The following SORCS1 variants were observed in gnomAD, a reference collection of about 807,000 sequenced individuals.
SORCS1 encodes the protein VPS10 domain-containing receptor SorCS1.
In SORCS1, 60 loss-of-function variants were observed where a neutral mutation model predicts 146.1. The observed-to-expected ratio is 0.41, with a 90% CI of 0.33 to 0.51. The LOEUF (loss-of-function observed/expected upper bound fraction) is 0.51, where lower values mean the gene tolerates loss of function less well. SORCS1 is among the 20% of genes least tolerant of loss of function. The pLI is 0.21. For synonymous variants in SORCS1, 637 were observed against 584.0 expected (o/e 1.09, Z -1.31); for missense variants, 1,352 against 1,487.6 (o/e 0.91, Z 1.50).
At chr10:106,823,879 C>T (rs1948170099) in intron 3 of SORCS1, among the ~76,000 whole-genome samples, 1 of 152,284 alleles carries the variant, frequency 6.6e-6, no homozygotes, top group East Asian at 1.9e-4. Context: ...ACTCAGTCTC[C>T]ATATCTGTTA....
chr10:107,139,343 A>G (rs1487713272), intron 1 of SORCS1, among the ~76,000 whole-genome samples: 1 of 152,170 alleles, frequency 6.6e-6, no homozygotes, highest in African/African-American at 2.4e-5. Flanking sequence ...GAAACTCTGA[A>G]GAAAAAAAAA....
chr10:106,731,432 G>C (rs987990739), intron 5 of SORCS1, among the ~76,000 whole-genome samples: 1 of 151,492 alleles, frequency 6.6e-6, no homozygotes, highest in Admixed American at 6.6e-5. Flanking sequence ...GCCATTGTCT[G>C]AAAGTGCCAC....
chr10:106,924,104 A>G (rs1952860007), intron 2 of SORCS1, among the ~76,000 whole-genome samples: 1 of 152,160 alleles, frequency 6.6e-6, no homozygotes, highest in Non-Finnish European at 1.5e-5. Flanking sequence ...AAAATATAAA[A>G]TTAGTCGGGC....
At chr10:107,152,157 C>T (rs1968860201) in intron 1 of SORCS1, among the ~76,000 whole-genome samples, 1 of 152,202 alleles carries the variant, frequency 6.6e-6, no homozygotes, top group Admixed American at 6.5e-5. Flanking sequence ...GCCTTGGCAG[C>T]TTTCACATGG....
intron 1 of SORCS1, among the ~76,000 whole-genome samples, chr10:107,076,469 G>T (rs1962891394): frequency 6.6e-6 from 1 of 152,216 alleles, no homozygotes; most frequent in South Asian, 2.1e-4. Context: ...ACACCAGCGA[G>T]CACAAAACAG....
intron 1 of SORCS1, among the ~76,000 whole-genome samples, chr10:107,090,554 A>AGAT (rs749606967): frequency 6.6e-6 from 1 of 152,176 alleles, no homozygotes; most frequent in Non-Finnish European, 1.5e-5. Context: ...ATATTTTTGG[A>AGAT]GATATTAAAT....
intron 5 of SORCS1, among the ~76,000 whole-genome samples, chr10:106,757,282 A>G (rs1434517647): frequency 6.6e-6 from 1 of 152,130 alleles, no homozygotes; most frequent in East Asian, 1.9e-4. Flanking sequence ...GGGAAATTCT[A>G]TGTTATTACC....
chr10:106,912,019 A>G (rs1952184640), intron 2 of SORCS1, among the ~76,000 whole-genome samples: 1 of 151,536 alleles, frequency 6.6e-6, no homozygotes, highest in South Asian at 2.1e-4. Flanking sequence ...AGGCTGAGAC[A>G]GGAGAATAGC....
At chr10:107,140,442 T>C (rs1042713222) in intron 1 of SORCS1, among the ~76,000 whole-genome samples, 15 of 152,230 alleles carry the variant, frequency 9.9e-5, no homozygotes, top group Non-Finnish European at 1.5e-5. Flanking sequence ...CTTGTAAATG[T>C]TGAGTTTTCA....
chr10:106,843,429 C>CTTTTTTTTTTTTTTTTTTTT (rs141378677), intron 2 of SORCS1, among the ~76,000 whole-genome samples: 1 of 116,804 alleles, frequency 8.6e-6, no homozygotes, highest in Non-Finnish European at 1.6e-5. Context: ...GCAGGATTTC[C>CTTTTTTTTTTTTTTTTTTTT]TTTTTTTTTT....
At chr10:106,721,129 C>A (rs1855751945) in intron 6 of SORCS1, among the ~76,000 whole-genome samples, 1 of 151,396 alleles carries the variant, frequency 6.6e-6, no homozygotes, top group Admixed American at 6.6e-5. Context: ...AACCTTGATG[C>A]TTTATTTGGG....
chr10:106,788,685 C>A (rs1346380804), intron 3 of SORCS1, among the ~76,000 whole-genome samples: 1 of 152,192 alleles, frequency 6.6e-6, no homozygotes, highest in African/African-American at 2.4e-5. Flanking sequence ...GGCAGCTCTC[C>A]CCCTGTGGCT....
At position 106,679,590 on chromosome 10, in the gene SORCS1, AAC is replaced by A. The variant is rs1304351196; in HGVS notation, c.1663+40_1663+41del. Reference sequence around the variant, plus strand: ...TACAGATATCTAGCTTCTTAAAATAAACACTATTTACCACAGCCAGCAAACCA... The same window carrying A: ...TACAGATATCTAGCTTCTTAAAATAAACTATTTACCACAGCCAGCAAACCA... On this transcript the variant is annotated intron_variant, in intron 11 of 25. Coordinates refer to ENST00000263054, the MANE Select transcript of SORCS1 (RefSeq NM_052918.5). 2.0e-6 allele frequency: 3 copies of A among 1,490,416 alleles called. No individual in the cohort carries two copies. In the East Asian group the frequency reaches 7.0e-5, roughly 35 times the overall value. The allele number at this position is 1,490,416 out of a possible 1,614,324, so 92.3% of individuals were successfully genotyped here.
intron 3 of SORCS1, among the ~76,000 whole-genome samples, chr10:106,778,948 C>G (rs1158542000): frequency 6.6e-6 from 1 of 152,158 alleles, no homozygotes; most frequent in Non-Finnish European, 1.5e-5. Flanking sequence ...TGATTTTTAT[C>G]AATCACTTTA....
At chr10:106,753,216 A>G (rs185602907) in intron 5 of SORCS1, among the ~76,000 whole-genome samples, 1 of 152,184 alleles carries the variant, frequency 6.6e-6, no homozygotes, top group East Asian at 1.9e-4. Flanking sequence ...GAACCTGGAG[A>G]AGGAAAAATG....
intron 2 of SORCS1, among the ~76,000 whole-genome samples, chr10:106,940,970 C>G (rs1954013535): frequency 6.6e-6 from 1 of 152,174 alleles, no homozygotes; most frequent in South Asian, 2.1e-4. Context: ...TTGTGGGGTT[C>G]AAAGCCTGGG....
chr10:106,811,921 C>G (rs1050041904), intron 3 of SORCS1, among the ~76,000 whole-genome samples: 4 of 152,172 alleles, frequency 2.6e-5, no homozygotes, highest in African/African-American at 9.7e-5. Flanking sequence ...CCTGGACAAT[C>G]CACTCACTGA....
upstream of SORCS1, among the ~76,000 whole-genome samples, chr10:107,165,685 A>G (rs977092993): frequency 6.6e-6 from 1 of 152,204 alleles, no homozygotes; most frequent in African/African-American, 2.4e-5. The surrounding 1 kb of genome is among the most constrained non-coding windows in gnomAD (Gnocchi z 4.0). Context: ...GAAAGGAGGC[A>G]CAGTACTTAT....
At chr10:106,938,471 G>A (rs887126802) in intron 2 of SORCS1, among the ~76,000 whole-genome samples, 2 of 152,216 alleles carry the variant, frequency 1.3e-5, no homozygotes, top group African/African-American at 4.8e-5. Flanking sequence ...AGGCCACCAC[G>A]CTAGCTAGTA....
Sources: allele counts gnomAD v4.1 joint callset (sites outside exome capture counted in the v4.1 genomes callset), GRCh38; gene constraint gnomAD v4.1.1; non-coding constraint Gnocchi (gnomAD v3.1); transcripts MANE v1.5; gene names NCBI Gene and HGNC (gene_info 2026-07-23, HGNC 2026-07-21).